IFT88: variants seen among roughly 807,000 people sequenced by gnomAD.
IFT88 encodes intraflagellar transport protein 88 homolog.
A neutral mutation model predicts 119.5 loss-of-function variants in IFT88; 74 were observed. That is an observed-to-expected ratio of 0.62 (90% CI 0.51 to 0.75). IFT88 has a LOEUF of 0.75. Ranked by LOEUF, IFT88 falls within the 30% of genes least tolerant of loss-of-function variation. The probability of loss-of-function intolerance (pLI) is 0.00; values close to 1 mark genes in which losing one functional copy is unlikely to be tolerated. For synonymous variants in IFT88, 279 were observed against 316.7 expected, an observed-to-expected ratio of 0.88 and a Z score of 1.26; for missense variants, 961 against 977.7, an observed-to-expected ratio of 0.98 and a Z score of 0.23.
At chr13:20,615,413 TTTACTC>T (rs1169095065) in intron 13 of IFT88, among the ~76,000 whole-genome samples, 2 of 152,174 alleles carry the variant, frequency 1.3e-5, no homozygotes, top group African/African-American at 4.8e-5. Context: ...GTAATTCAGT[TTTACTC>T]TTTACCACAC....
intron 24 of IFT88, among the ~76,000 whole-genome samples, chr13:20,677,567 A>C (rs1024334153): frequency 7.2e-5 from 11 of 152,212 alleles, no homozygotes; most frequent in Non-Finnish European, 1.5e-4. Flanking sequence ...GCCATTTGCA[A>C]GTCAGATTAC....
rs1181805946 is a variant in IFT88 at position 20,597,769 on chromosome 13, ATT to A, written c.594+659_594+660del. On this transcript the variant is annotated intron_variant, in intron 9 of 25. Coordinates refer to ENST00000351808, the MANE Select transcript of IFT88 (RefSeq NM_006531.5). ...TCAAAAAAAAAATATATATATATATATTTTTTTTTTGATAACTTGGTAAGTAC... is the reference window on the plus strand; with the variant it reads ...TCAAAAAAAAAATATATATATATATATTTTTTTTGATAACTTGGTAAGTAC... 4.4e-3 allele frequency among the ~76,000 whole-genome samples: 632 copies of A among 143,882 alleles called. 3 individuals carry two copies. Among genetic ancestry groups the A allele is most frequent in the Middle Eastern group, 0.039 (11 of 280 alleles). 94.4% of individuals were successfully genotyped at this position (143,882 alleles called of 152,430 possible).
At position 20,651,154 on chromosome 13, in the gene IFT88, G is replaced by T. The variant is rs542071778; in HGVS notation, c.1950-2722G>T. ...TTTCAAATTGTTTTGGCTATTCATGGTTCCTTGAGATTCCACATGAATATT... is the reference window on the plus strand; with the variant it reads ...TTTCAAATTGTTTTGGCTATTCATGTTTCCTTGAGATTCCACATGAATATT... On this transcript the variant is annotated intron_variant, in intron 20 of 25. Coordinates refer to ENST00000351808, the MANE Select transcript of IFT88 (RefSeq NM_006531.5). 2.0e-5 allele frequency among the ~76,000 whole-genome samples: 3 copies of T among 151,910 alleles called. No homozygotes were observed. In the South Asian group the frequency reaches 6.2e-4, roughly 32 times the overall value.
At chr13:20,603,620 G>A (rs1198908389) in intron 12 of IFT88, among the ~76,000 whole-genome samples, 4 of 152,188 alleles carry the variant, frequency 2.6e-5, no homozygotes, top group African/African-American at 9.7e-5. Context: ...TGGCAGCTGG[G>A]CACAGTGGCT....
chr13:20,580,765 G>T (rs1446953785), intron 2 of IFT88, among the ~76,000 whole-genome samples: 3 of 136,844 alleles, frequency 2.2e-5, no homozygotes, highest in Non-Finnish European at 4.6e-5. Context: ...TCGCTCTGTA[G>T]CCCAGGGTGG....
At chr13:20,663,706 T>C in intron 23 of IFT88, 102 bp downstream of exon 23, 2 of 805,524 alleles carry the variant, frequency 2.5e-6, no homozygotes, top group Non-Finnish European at 3.9e-6. Context: ...GAAAACAGAG[T>C]TGAAATTTTT....
chr13:20,679,839 T>C (rs1262446197), intron 24 of IFT88, among the ~76,000 whole-genome samples: 3 of 152,218 alleles, frequency 2.0e-5, no homozygotes, highest in Non-Finnish European at 1.5e-5. Context: ...TCAGGTCATA[T>C]CATTTGGGGT....
At chr13:20,609,801 G>C (rs922173925) in intron 13 of IFT88, among the ~76,000 whole-genome samples, 1 of 152,082 alleles carries the variant, frequency 6.6e-6, no homozygotes, top group African/African-American at 2.4e-5. Context: ...AACCAGTTTG[G>C]GTTTTGGCAG....
intron 22 of IFT88, among the ~76,000 whole-genome samples, chr13:20,659,076 A>G (rs2053364037): frequency 6.6e-6 from 1 of 152,220 alleles, no homozygotes; most frequent in African/African-American, 2.4e-5. Flanking sequence ...TTCTGGATAA[A>G]ACTAGCAGGA....
chr13:20,686,343 T>C (rs2057914292), intron 24 of IFT88, among the ~76,000 whole-genome samples: 1 of 152,254 alleles, frequency 6.6e-6, no homozygotes, highest in African/African-American at 2.4e-5. Context: ...CAAGTACTTT[T>C]ATTGGATCTT....
intron 8 of IFT88, among the ~76,000 whole-genome samples, chr13:20,596,452 C>T (rs2041658344): frequency 6.6e-6 from 1 of 152,028 alleles, no homozygotes; most frequent in South Asian, 2.1e-4. Flanking sequence ...TGACATTGGC[C>T]TTTTCAGTAG....
chr13:20,686,569 AT>A (rs11283974), intron 24 of IFT88, among the ~76,000 whole-genome samples: 79,532 of 151,728 alleles, frequency 0.52, 22,612 homozygotes, highest in African/African-American at 0.73. Flanking sequence ...AAATTGATAC[AT>A]TTTTTCTTAT....
Position 20,591,694 on chromosome 13 carries a change from G to C in IFT88, c.328+13G>C. Reference sequence around the variant, plus strand: ...GCAGCTTTGAGAGGTTTGTTACACTGTCTCTACTAATAATCTTTTTTGGAT... The same window carrying C: ...GCAGCTTTGAGAGGTTTGTTACACTCTCTCTACTAATAATCTTTTTTGGAT... On this transcript the variant is annotated intron_variant, in intron 6 of 25. Coordinates refer to ENST00000351808, the MANE Select transcript of IFT88 (RefSeq NM_006531.5). 4 of 1,567,990 alleles carry C rather than the reference G, an allele frequency of 2.6e-6. No homozygotes were observed. Among genetic ancestry groups the C allele is most frequent in the Non-Finnish European group, 3.5e-6 (4 of 1,140,206 alleles).
intron 16 of IFT88, chr13:20,631,862 T>G (rs1267184575): frequency 1.3e-5 from 2 of 152,114 alleles, no homozygotes; most frequent in African/African-American, 4.8e-5. Flanking sequence ...GAAAATTGAT[T>G]ATAGGTAGGT....
chr13:20,597,650 A>C (rs990172710), intron 9 of IFT88, among the ~76,000 whole-genome samples: 4 of 151,860 alleles, frequency 2.6e-5, no homozygotes, highest in African/African-American at 9.7e-5. Flanking sequence ...AGGCTGGAGC[A>C]GGAGAATGGC....
intron 24 of IFT88, among the ~76,000 whole-genome samples, chr13:20,674,774 C>T (rs190701612): frequency 1.0e-3 from 124 of 123,304 alleles, no homozygotes; most frequent in African/African-American, 3.7e-3. Context: ...AGTGCAGTGG[C>T]GTGATCTCTG....
chr13:20,597,009 T>G lies in IFT88; in HGVS notation c.490-6T>G. 6.4e-7 allele frequency: 1 copy of G among 1,561,618 alleles called. No individual in the cohort carries two copies. Among genetic ancestry groups the G allele is most frequent in the Non-Finnish European group, 8.7e-7 (1 of 1,144,270 alleles). The stretch of plus-strand genomic sequence containing the variant: ...AGGAAGTTACAAGGTATAAATCTGA[T>G]TTCAGGCCTTAGAAAAGGCAAAAGA... On this transcript the variant is annotated splice_region_variant and splice_polypyrimidine_tract_variant and intron_variant, in intron 8 of 25. Transcript: ENST00000351808.
At chr13:20,633,305 C>CTTCT (rs2048483413) in intron 16 of IFT88, among the ~76,000 whole-genome samples, 1 of 152,074 alleles carries the variant, frequency 6.6e-6, no homozygotes, top group Non-Finnish European at 1.5e-5. Flanking sequence ...AAGCAAGCAC[C>CTTCT]TTCTTCACAA....
Position 20,607,623 on chromosome 13 carries a change from G to A in IFT88, c.1112+2518G>A, listed in dbSNP as rs376671704. The A allele has an allele frequency of 2.2e-5, 18 of 826,668 alleles. No homozygotes were observed. In the African/African-American group the frequency reaches 2.3e-4, roughly 11 times the overall value. 51.2% of individuals were successfully genotyped at this position (826,668 alleles called of 1,614,324 possible). ...GCTCAACATCTTGGGCTGCCACGCT[G>A]TTTTTTTATGATCCCCACCTGGGTT... On this transcript the variant is annotated intron_variant, in intron 13 of 25. Transcript: ENST00000351808.
Sources: allele counts gnomAD v4.1 joint callset (sites outside exome capture counted in the v4.1 genomes callset), GRCh38; gene constraint gnomAD v4.1.1; transcripts MANE v1.5; gene names NCBI Gene and HGNC (gene_info 2026-07-23, HGNC 2026-07-21).